CYP19A1: variants seen among roughly 807,000 people sequenced by gnomAD.
The protein encoded by CYP19A1 is aromatase.
CYP19A1 carries 32 observed loss-of-function variants against 44.4 expected under a neutral mutation model. That is an observed-to-expected ratio of 0.72 (90% confidence interval 0.54 to 0.97). The LOEUF is 0.97. Ranked by LOEUF, CYP19A1 falls within the 50% of genes least tolerant of loss-of-function variation. The probability of loss-of-function intolerance (pLI) is 0.00; values close to 1 mark genes in which losing one functional copy is unlikely to be tolerated. For missense variants in CYP19A1, 598 were observed against 637.8 expected, an observed-to-expected ratio of 0.94 and a Z score of 0.67; for synonymous variants, 212 against 215.6, an observed-to-expected ratio of 0.98 and a Z score of 0.14.
intron 6 of CYP19A1, among the ~76,000 whole-genome samples, chr15:51,216,701 G>A (rs574134466): frequency 6.6e-6 from 1 of 152,274 alleles, no homozygotes; most frequent in East Asian, 1.9e-4. Flanking sequence ...ACTAATATGT[G>A]TTGAATGAAT....
intron 1 of CYP19A1, among the ~76,000 whole-genome samples, chr15:51,321,432 C>G (rs767249778): frequency 1.1e-4 from 16 of 152,202 alleles, no homozygotes; most frequent in Non-Finnish European, 1.9e-4. Context: ...GCCACCTTCT[C>G]CAGGAGCTCC....
At chr15:51,249,149 C>T (rs1350009206) in intron 1 of CYP19A1, among the ~76,000 whole-genome samples, 2 of 152,086 alleles carry the variant, frequency 1.3e-5, no homozygotes, top group Non-Finnish European at 2.9e-5. Context: ...TCATGTTGGC[C>T]AAGCTGGTCT....
chr15:51,317,037 G>T (rs537333767), intron 1 of CYP19A1, among the ~76,000 whole-genome samples: 6 of 152,060 alleles, frequency 3.9e-5, no homozygotes, highest in Non-Finnish European at 8.8e-5. Flanking sequence ...CCAACACAAG[G>T]AGCCACCTTC....
At chr15:51,280,754 T>G (rs1157406364) in intron 1 of CYP19A1, among the ~76,000 whole-genome samples, 2 of 152,130 alleles carry the variant, frequency 1.3e-5, no homozygotes, top group Non-Finnish European at 2.9e-5. Flanking sequence ...GAAAAAAAAT[T>G]TTGGTACAGC....
At chr15:51,274,296 C>T (rs1389721055) in intron 1 of CYP19A1, among the ~76,000 whole-genome samples, 1 of 152,138 alleles carries the variant, frequency 6.6e-6, no homozygotes, top group East Asian at 1.9e-4. Flanking sequence ...AAAAATTGAA[C>T]CTATTACTGG....
intron 1 of CYP19A1, among the ~76,000 whole-genome samples, chr15:51,263,326 CACG>C (rs1356174650): frequency 2.0e-4 from 31 of 152,166 alleles, no homozygotes; most frequent in African/African-American, 7.5e-4. Flanking sequence ...AACTGGTGAC[CACG>C]ACAAGAGCAG....
At chr15:51,219,159 T>A in intron 5 of CYP19A1, among the ~76,000 whole-genome samples, 1 of 152,182 alleles carries the variant, frequency 6.6e-6, no homozygotes, top group African/African-American at 2.4e-5. Flanking sequence ...TCTAATCATG[T>A]TCTCATGGTG....
intron 1 of CYP19A1, among the ~76,000 whole-genome samples, chr15:51,281,612 G>C (rs1464357734): frequency 6.6e-6 from 1 of 152,218 alleles, no homozygotes; most frequent in African/African-American, 2.4e-5. Flanking sequence ...TGGGAGGCAG[G>C]CAGTGAGGGG....
intron 3 of CYP19A1, 59 bp from the exon 4 acceptor site, chr15:51,227,992 A>G: frequency 2.2e-6 from 2 of 893,584 alleles, no homozygotes; most frequent in Non-Finnish European, 3.8e-6. Context: ...TCCTGGTGGT[A>G]CATTTTGACT....
chr15:51,292,547 A>G (rs951394863), intron 1 of CYP19A1, among the ~76,000 whole-genome samples: 1 of 152,226 alleles, frequency 6.6e-6, no homozygotes, highest in African/African-American at 2.4e-5. Context: ...GTCCCTTGGC[A>G]TATGCTTTTC....
intron 2 of CYP19A1, chr15:51,242,361 T>G: frequency 7.3e-6 from 2 of 274,924 alleles, no homozygotes; most frequent in Non-Finnish European, 1.4e-5. Flanking sequence ...GGAAACAAAG[T>G]GAAAGGGAGA....
In CYP19A1 at chr15:51,210,445, TC is replaced by T; in HGVS notation, c.*362del. The stretch of plus-strand genomic sequence containing the variant: ...AGTGTTTCTGCCCCAGACATAAAAA[TC>T]CCCTTGGGTTGAGGCAGTAGAGCTC... On this transcript the variant is annotated 3_prime_UTR_variant, in exon 10 of 10. Transcript: ENST00000396402. 1.9e-6 allele frequency: 1 copy of T among 521,830 alleles called. No homozygotes were observed. Among genetic ancestry groups the T allele is most frequent in the South Asian group, 1.5e-5 (1 of 64,614 alleles). The allele number at this position is 521,830 out of a possible 1,614,324, so 32.3% of individuals were successfully genotyped here. A position where few individuals can be genotyped will look rare whatever the true frequency, so the allele number is the denominator to read the frequency against.
At chr15:51,317,027 C>T (rs890192484) in intron 1 of CYP19A1, among the ~76,000 whole-genome samples, 5 of 151,994 alleles carry the variant, frequency 3.3e-5, no homozygotes, top group Non-Finnish European at 7.4e-5. Flanking sequence ...GCATGGGTCC[C>T]CAACACAAGG....
chr15:51,329,589 G>A (rs1446171252), intron 1 of CYP19A1, among the ~76,000 whole-genome samples: 1 of 152,246 alleles, frequency 6.6e-6, no homozygotes, highest in East Asian at 1.9e-4. Flanking sequence ...CACCGGGGAT[G>A]AAGAAAGTTT....
chr15:51,327,516 C>T (rs1309481009), intron 1 of CYP19A1, among the ~76,000 whole-genome samples: 1 of 150,448 alleles, frequency 6.6e-6, no homozygotes, highest in Non-Finnish European at 1.5e-5. Context: ...TCCTTTGAGG[C>T]AGAATCTTGC....
intron 1 of CYP19A1, among the ~76,000 whole-genome samples, chr15:51,334,172 C>T (rs1271485843): frequency 2.0e-5 from 3 of 152,168 alleles, no homozygotes; most frequent in Admixed American, 6.5e-5. Flanking sequence ...CATTTCCCTG[C>T]TCTATTGTTT....
chr15:51,326,800 G>T (rs886752119), intron 1 of CYP19A1, among the ~76,000 whole-genome samples: 2 of 152,204 alleles, frequency 1.3e-5, no homozygotes, highest in African/African-American at 4.8e-5. Context: ...AGGGCAATGA[G>T]AGACCTGAAA....
chr15:51,274,010 C>T (rs1205842506), intron 1 of CYP19A1, among the ~76,000 whole-genome samples: 3 of 146,848 alleles, frequency 2.0e-5, no homozygotes, highest in African/African-American at 8.1e-5. Context: ...TTGTCACACA[C>T]ACACACACAC....
chr15:51,234,364 T>C (rs2033242908), intron 3 of CYP19A1, among the ~76,000 whole-genome samples: 1 of 152,126 alleles, frequency 6.6e-6, no homozygotes, highest in African/African-American at 2.4e-5. Context: ...GGGTGGGTTG[T>C]GGCTGCGTCT....
Sources: allele counts gnomAD v4.1 joint callset (sites outside exome capture counted in the v4.1 genomes callset), GRCh38; gene constraint gnomAD v4.1.1; transcripts MANE v1.5; gene names NCBI Gene and HGNC (gene_info 2026-07-23, HGNC 2026-07-21).